The following PGAP6 variants were observed in gnomAD, a reference collection of about 807,000 sequenced individuals.
The protein encoded by PGAP6 is post-GPI attachment to proteins factor 6.
A neutral mutation model predicts 68.4 loss-of-function variants in PGAP6; 62 were observed. That is an observed-to-expected ratio of 0.91 (90% CI 0.74 to 1.12). PGAP6 has a LOEUF of 1.12. Among genes scored for constraint, PGAP6 ranks in the 50% most tolerant of loss-of-function variants. The pLI is 0.00. For missense variants in PGAP6, 1,188 were observed against 1,068.5 expected, an observed-to-expected ratio of 1.11 and a Z score of -1.56; for synonymous variants, 575 against 474.0, an observed-to-expected ratio of 1.21 and a Z score of -2.77.
At chr16:375,009 C>G (rs989354996) in intron 8 of PGAP6, 117 bp from the exon 9 acceptor site, 1 of 1,575,382 alleles carries the variant, frequency 6.3e-7, no homozygotes, top group Admixed American at 1.7e-5. Context: ...CAGCTTTCAG[C>G]AGCCCTGGAG....
chr16:373,801 G>A (rs1254244513), intron 11 of PGAP6, among the ~76,000 whole-genome samples: 1 of 141,598 alleles, frequency 7.1e-6, no homozygotes, highest in Non-Finnish European at 1.5e-5. Context: ...GAGCCACCAT[G>A]CTCGGCCAAG....
intron 1 of PGAP6, among the ~76,000 whole-genome samples, chr16:378,946 C>T (rs564281333): frequency 1.3e-5 from 2 of 152,312 alleles, no homozygotes; most frequent in Admixed American, 6.5e-5. Flanking sequence ...TGGCCCCAGG[C>T]GAGGACTCAG....
chr16:381,971 C>G lies in PGAP6; in HGVS notation c.-150G>C. On this transcript the variant is annotated 5_prime_UTR_variant, in exon 1 of 13. Coordinates refer to ENST00000431232, the MANE Select transcript of PGAP6 (RefSeq NM_021259.3). Reference sequence around the variant, plus strand: ...CGGCCGGTCCCCGCCGCCGTCGCCCCGGGCACTTCCGCCCGCAGGCCCCGC... The same window carrying G: ...CGGCCGGTCCCCGCCGCCGTCGCCCGGGGCACTTCCGCCCGCAGGCCCCGC... The G allele has an allele frequency of 1.0e-6, 1 of 969,128 alleles. No homozygotes were observed. The highest frequency in any genetic ancestry group is 1.2e-6 in the Non-Finnish European group (1 of 815,238). 60.0% of individuals were successfully genotyped at this position (969,128 alleles called of 1,614,324 possible).
upstream of PGAP6, among the ~76,000 whole-genome samples, chr16:383,103 G>C (rs745312539): frequency 2.0e-5 from 3 of 151,834 alleles, no homozygotes; most frequent in East Asian, 5.8e-4. Context: ...GCGACAGAGC[G>C]AGACTCCGTC....
upstream of PGAP6, among the ~76,000 whole-genome samples, chr16:384,571 G>C (rs1008778784): frequency 6.6e-6 from 1 of 152,216 alleles, no homozygotes; most frequent in Non-Finnish European, 1.5e-5. Context: ...ATGTAATGGA[G>C]AGGGCCGGGC....
intron 1 of PGAP6, among the ~76,000 whole-genome samples, chr16:380,900 C>G (rs1292115245): frequency 6.6e-6 from 1 of 152,166 alleles, no homozygotes; most frequent in African/African-American, 2.4e-5. Context: ...AACTTCCAGC[C>G]GGCCAGAAAG....
chr16:380,366 G>C (rs868222016), intron 1 of PGAP6, among the ~76,000 whole-genome samples: 1 of 148,870 alleles, frequency 6.7e-6, no homozygotes, highest in Non-Finnish European at 1.5e-5. Context: ...TTTTCTTTCT[G>C]TCTTTCTTTT....
upstream of PGAP6, among the ~76,000 whole-genome samples, chr16:385,882 T>G (rs965735873): frequency 1.4e-5 from 2 of 147,918 alleles, no homozygotes; most frequent in Admixed American, 6.7e-5. Context: ...TCTCAGCCTC[T>G]CAAAGTGCTG....
At chr16:386,849 G>A, upstream of PGAP6, 1 of 688,976 alleles carries the variant, frequency 1.5e-6, no homozygotes, top group South Asian at 1.3e-5. Context: ...AGGCAGCGTT[G>A]AAAGGTGTCC....
In PGAP6 at chr16:377,020, C is replaced by T. The variant is rs369296066; in HGVS notation, c.635+17G>A. 2.5e-6 allele frequency: 4 copies of T among 1,612,250 alleles called. No individual in the cohort carries two copies. Among genetic ancestry groups the T allele is most frequent in the East Asian group, 4.5e-5 (2 of 44,872 alleles). On this transcript the variant is annotated intron_variant, in intron 4 of 12. Coordinates refer to ENST00000431232, the MANE Select transcript of PGAP6 (RefSeq NM_021259.3). ...GCCGGAGGGCAGAGCCGGGCTGCCC[C>T]CCAGGCCCCCGCTCACTTGAGGTAG...
At chr16:380,495 T>G (rs1019396691) in intron 1 of PGAP6, among the ~76,000 whole-genome samples, 2 of 151,890 alleles carry the variant, frequency 1.3e-5, no homozygotes, top group African/African-American at 2.4e-5. Flanking sequence ...GCCTCCCGAG[T>G]GGCTGGGATT....
At chr16:378,529 C>CGCACTGCCATCGCCACCCTGACTG (rs2054412387) in intron 1 of PGAP6, among the ~76,000 whole-genome samples, 3 of 144,946 alleles carry the variant, frequency 2.1e-5, no homozygotes, top group Non-Finnish European at 4.6e-5. Flanking sequence ...CACCCGGACC[C>CGCACTGCCATCGCCACCCTGACTG]CCTCCAACCT....
upstream of PGAP6, chr16:382,097 G>T (rs1250124701): frequency 1.9e-5 from 7 of 362,708 alleles, no homozygotes; most frequent in Middle Eastern, 7.2e-4. Flanking sequence ...CGGTAGGGGG[G>T]AGGGGTCACG....
At position 375,400 on chromosome 16, in the gene PGAP6, G is replaced by T; in HGVS notation, c.1260C>A (p.Cys420Ter). 6.2e-7 allele frequency: 1 copy of T among 1,612,886 alleles called. No individual in the cohort carries two copies. Among genetic ancestry groups the T allele is most frequent in the Non-Finnish European group, 8.5e-7 (1 of 1,179,976 alleles). The change falls in exon 7 of 13, where the codon TGC (cysteine) becomes TGA (stop). Residue 420 changes from cysteine (C) to a stop codon, truncating the protein, a stop_gained. Transcript: ENST00000431232. LOFTEE classifies it high-confidence loss of function. Reference protein sequence around the residue: ...EMRNETVVVACVNAASPFLGF... With the variant: ...EMRNETVVVA ...CAAGGAAGGGCGAGGCAGCATTCACGCAGGCCACTACGACGGTCTCGTTCC... is the reference window on the plus strand; with the variant it reads ...CAAGGAAGGGCGAGGCAGCATTCACTCAGGCCACTACGACGGTCTCGTTCC...
Position 374,131 on chromosome 16 carries a change from C to T in PGAP6, c.1776G>A (p.Gln592=). The T allele has an allele frequency of 6.2e-7, 1 of 1,611,166 alleles. No homozygotes were observed. The highest frequency in any genetic ancestry group is 1.1e-5 in the South Asian group (1 of 91,090). ...FFSTFYHACD[Q]PGEAVLCILS... ...GGATGCACAGCACCGCCTCCCCGGGCTGGTCGCAGGCGTGGTAGAACTGTG... is the reference window on the plus strand; with the variant it reads ...GGATGCACAGCACCGCCTCCCCGGGTTGGTCGCAGGCGTGGTAGAACTGTG... The change falls in exon 11 of 13, where the codon CAG becomes CAA. Residue 592 remains glutamine, a synonymous_variant. Coordinates refer to ENST00000431232, the MANE Select transcript of PGAP6 (RefSeq NM_021259.3).
At chr16:382,006 C>G, upstream of PGAP6, 2 of 940,678 alleles carry the variant, frequency 2.1e-6, no homozygotes, top group African/African-American at 1.8e-5. Context: ...CCCCGCAGGC[C>G]GAGCCGGGAA....
In PGAP6 at chr16:373,111, C is replaced by G. The variant is rs546489135; in HGVS notation, c.1903-384G>C. Among the ~76,000 whole-genome samples the G allele has an allele frequency of 5.3e-5, 8 of 152,166 alleles. No individual in the cohort carries two copies. The South Asian group carries it at 6.2e-4, about 12-fold the overall frequency. On this transcript the variant is annotated intron_variant, in intron 11 of 12. Transcript: ENST00000431232. Reference sequence around the variant, plus strand: ...ACTGTTCCATGGGGAGGGGCTCCCACCCCCCAGTCTCCATCAGACACCTCT... The same window carrying G: ...ACTGTTCCATGGGGAGGGGCTCCCAGCCCCCAGTCTCCATCAGACACCTCT...
chr16:372,809 C>G (rs1597157347), intron 11 of PGAP6, 82 bp from the exon 12 acceptor site: 1 of 985,554 alleles, frequency 1.0e-6, no homozygotes, highest in East Asian at 2.5e-5. Context: ...CACGGCCCCA[C>G]AGCACCTCTG....
chr16:373,982 A>G, intron 11 of PGAP6, 23 bp downstream of exon 11: 3 of 1,586,146 alleles, frequency 1.9e-6, no homozygotes, highest in South Asian at 2.2e-5. Context: ...CGGAGCCCAC[A>G]CCCCACGTCG....
Sources: gnomAD v4.1 joint callset for allele counts (sites outside exome capture counted in the v4.1 genomes callset) on GRCh38, gnomAD v4.1.1 for gene constraint, MANE v1.5 for transcripts, NCBI Gene and HGNC (gene_info 2026-07-23, HGNC 2026-07-21) for gene names.